The following UBE2N variants were observed in gnomAD, a reference collection of about 807,000 sequenced individuals.
UBE2N encodes the protein ubiquitin conjugating enzyme E2 N.
For missense variants in UBE2N, 60 were observed against 192.1 expected (o/e 0.31, Z 4.07); for synonymous variants, 70 against 69.2 (o/e 1.01, Z -0.06).
At chr12:93,432,472 G>T (rs1878798601) in intron 1 of UBE2N, among the ~76,000 whole-genome samples, 1 of 142,482 alleles carries the variant, frequency 7.0e-6, no homozygotes, top group Admixed American at 6.9e-5. Flanking sequence ...GTCTTTAAGA[G>T]TCACAAAAAA....
chr12:93,432,709 G>T (rs1387749011), intron 1 of UBE2N, among the ~76,000 whole-genome samples: 1 of 151,946 alleles, frequency 6.6e-6, no homozygotes, highest in Admixed American at 6.6e-5. Flanking sequence ...GAGACATAAT[G>T]TGAAGGTATT....
At chr12:93,424,462 G>GT (rs1212836189) in intron 1 of UBE2N, 2 of 152,152 alleles carry the variant, frequency 1.3e-5, no homozygotes, top group Admixed American at 6.5e-5. Context: ...AATTGTACCA[G>GT]TAACACAATT....
chr12:93,440,547 T>C (rs1879067675), intron 1 of UBE2N, among the ~76,000 whole-genome samples: 1 of 152,238 alleles, frequency 6.6e-6, no homozygotes, highest in African/African-American at 2.4e-5. Context: ...TGAAGCAGTA[T>C]ACAGTACATC....
intron 1 of UBE2N, among the ~76,000 whole-genome samples, chr12:93,420,189 T>C (rs1444082866): frequency 6.6e-6 from 1 of 152,182 alleles, no homozygotes; most frequent in Non-Finnish European, 1.5e-5. Context: ...GTATTCCTTT[T>C]TTGGGAAAAG....
chr12:93,419,877 A>C (rs1878352549), intron 1 of UBE2N, among the ~76,000 whole-genome samples: 1 of 152,178 alleles, frequency 6.6e-6, no homozygotes, highest in African/African-American at 2.4e-5. Flanking sequence ...AAGCTAAGAC[A>C]ATTTTGTATT....
chr12:93,425,640 G>A (rs533809833), intron 1 of UBE2N, among the ~76,000 whole-genome samples: 203 of 152,250 alleles, frequency 1.3e-3, no homozygotes, highest in Middle Eastern at 3.4e-3. Context: ...GGGTTAAAAG[G>A]AAATTCAAGA....
chr12:93,409,914 G>T lies in UBE2N; in HGVS notation c.*125C>A. On this transcript the variant is annotated 3_prime_UTR_variant, in exon 4 of 4. Transcript: ENST00000318066. ...GCTAATGTGCATTTAATCACCAAAG[G>T]ACTGAAGATGTCTGGGCTTTTTTAT... The T allele has an allele frequency of 1.1e-6, 1 of 881,244 alleles. No homozygotes were observed. Among genetic ancestry groups the T allele is most frequent in the Admixed American group, 2.4e-5 (1 of 41,208 alleles). The allele number at this position is 881,244 out of a possible 1,614,324, so 54.6% of individuals were successfully genotyped here. A position where few individuals can be genotyped will look rare whatever the true frequency, so the allele number is the denominator to read the frequency against.
intron 1 of UBE2N, among the ~76,000 whole-genome samples, chr12:93,431,476 T>C (rs1878772064): frequency 6.6e-6 from 1 of 152,150 alleles, no homozygotes; most frequent in African/African-American, 2.4e-5. Flanking sequence ...CAGGTTCCCA[T>C]AGCTATAAAA....
At position 93,409,492 on chromosome 12, in the gene UBE2N, G is replaced by A. The variant is rs1189036952; in HGVS notation, c.*547C>T. On this transcript the variant is annotated 3_prime_UTR_variant, in exon 4 of 4. Transcript: ENST00000318066. ...CAATGTTATTAGTGAGGGCTGTGAT[G>A]TTTGTTTAATGTTCCCATTTTGGTT... 6.0e-6 allele frequency: 1 copy of A among 167,072 alleles called. No homozygotes were observed. Among genetic ancestry groups the A allele is most frequent in the Non-Finnish European group, 1.5e-5 (1 of 68,162 alleles). 10.3% of individuals were successfully genotyped at this position (167,072 alleles called of 1,614,324 possible). A position where few individuals can be genotyped will look rare whatever the true frequency, so the allele number is the denominator to read the frequency against.
At chr12:93,440,700 G>A (rs1443875668) in intron 1 of UBE2N, among the ~76,000 whole-genome samples, 1 of 152,176 alleles carries the variant, frequency 6.6e-6, no homozygotes, top group South Asian at 2.1e-4. Flanking sequence ...GGCGCATTTA[G>A]TCACATAAAT....
rs1248242590 is a variant in UBE2N at position 93,410,810 on chromosome 12, A to G, written c.342T>C (p.Ala114=). The change falls in exon 3 of 4, where the codon GCT becomes GCC. Residue 114 remains alanine, a synonymous_variant. Transcript: ENST00000318066. ...VLLSIQALLS[A]PNPDDPLAND... ...TTGCTAATGGATCATCTGGATTGGG[A>G]GCACTTAACAAGGCCTGGATCGATA... 2 of 1,614,054 alleles carry G rather than the reference A, an allele frequency of 1.2e-6. No individual in the cohort carries two copies. Among genetic ancestry groups the G allele is most frequent in the Admixed American group, 1.7e-5 (1 of 60,006 alleles).
intron 1 of UBE2N, among the ~76,000 whole-genome samples, chr12:93,427,125 G>T (rs61934305): frequency 0.12 from 17,704 of 152,042 alleles, 1,352 homozygotes; most frequent in East Asian, 0.18. Flanking sequence ...TCACCATGTT[G>T]GCCAGGCTGG....
At chr12:93,413,845 T>C (rs1440234614) in intron 1 of UBE2N, among the ~76,000 whole-genome samples, 3 of 152,198 alleles carry the variant, frequency 2.0e-5, no homozygotes, top group Non-Finnish European at 4.4e-5. Flanking sequence ...CTCGCAGGTC[T>C]ATTATCCACA....
At chr12:93,421,352 C>CCA (rs1878405260) in intron 1 of UBE2N, among the ~76,000 whole-genome samples, 2 of 152,128 alleles carry the variant, frequency 1.3e-5, no homozygotes, top group Admixed American at 1.3e-4. Context: ...CAGGCACCCA[C>CCA]CACCTCGCCC....
chr12:93,424,706 G>C (rs966462361), intron 1 of UBE2N, among the ~76,000 whole-genome samples: 18 of 151,936 alleles, frequency 1.2e-4, no homozygotes, highest in Non-Finnish European at 2.2e-4. Flanking sequence ...GAAATACTTT[G>C]GATTAAAAAA....
intron 1 of UBE2N, among the ~76,000 whole-genome samples, chr12:93,440,920 G>A (rs1262926962): frequency 2.7e-5 from 4 of 150,334 alleles, no homozygotes; most frequent in African/African-American, 1.0e-4. Context: ...CAAAATTGAG[G>A]GGCAAAAGAT....
intron 1 of UBE2N, among the ~76,000 whole-genome samples, chr12:93,431,976 G>C (rs1878784769): frequency 6.6e-6 from 1 of 152,202 alleles, no homozygotes; most frequent in Admixed American, 6.5e-5. Flanking sequence ...GCTCCTGCCT[G>C]TAATCCCAGC....
chr12:93,415,303 C>G (rs190803863), intron 1 of UBE2N, among the ~76,000 whole-genome samples: 27 of 152,260 alleles, frequency 1.8e-4, no homozygotes, highest in Non-Finnish European at 2.9e-4. Context: ...TCTCTCAGCA[C>G]AGTAATATAC....
chr12:93,411,548 A>T (rs1878030769), intron 1 of UBE2N, among the ~76,000 whole-genome samples: 1 of 152,232 alleles, frequency 6.6e-6, no homozygotes, highest in Non-Finnish European at 1.5e-5. Flanking sequence ...CAAATATGTT[A>T]ATAAAATTAG....
Sources: allele counts gnomAD v4.1 joint callset (sites outside exome capture counted in the v4.1 genomes callset), GRCh38; gene constraint gnomAD v4.1.1; transcripts MANE v1.5; gene names NCBI Gene and HGNC (gene_info 2026-07-23, HGNC 2026-07-21).